SBF2: variants seen among roughly 807,000 people sequenced by gnomAD.
SBF2 encodes the protein SET binding factor 2.
SBF2 carries 112 observed loss-of-function variants against 225.2 expected under a neutral mutation model. The observed-to-expected ratio is 0.50, with a 90% confidence interval of 0.43 to 0.58. The LOEUF is 0.58. SBF2 is among the 20% of genes least tolerant of loss of function. The pLI, the probability that SBF2 is intolerant of heterozygous loss-of-function variation, is 0.00. For synonymous variants in SBF2, 763 were observed against 773.3 expected, an observed-to-expected ratio of 0.99 and a Z score of 0.22; for missense variants, 1,996 against 2,206.2, an observed-to-expected ratio of 0.90 and a Z score of 1.91.
chr11:10,019,748 T>G (rs555694169), intron 6 of SBF2, among the ~76,000 whole-genome samples: 1 of 152,078 alleles, frequency 6.6e-6, no homozygotes. Context: ...CTGAGAAAAC[T>G]AAGACAGAAA....
intron 2 of SBF2, among the ~76,000 whole-genome samples, chr11:10,046,882 A>C (rs1212175043): frequency 4.6e-4 from 69 of 150,642 alleles, no homozygotes; most frequent in African/African-American, 1.6e-3. Flanking sequence ...GAAAGGACAA[A>C]AAAAAAAAAA....
intron 8 of SBF2, among the ~76,000 whole-genome samples, chr11:9,999,186 A>G (rs895114134): frequency 2.0e-5 from 3 of 152,202 alleles, no homozygotes; most frequent in African/African-American, 7.2e-5. Flanking sequence ...TTACGATTTT[A>G]AGAAATTTGC....
At chr11:9,850,450 A>C (rs1173004271) in intron 21 of SBF2, among the ~76,000 whole-genome samples, 1 of 152,022 alleles carries the variant, frequency 6.6e-6, no homozygotes, top group African/African-American at 2.4e-5. Flanking sequence ...TACAGATGGG[A>C]TCTTGCTACA....
intron 33 of SBF2, among the ~76,000 whole-genome samples, chr11:9,793,072 C>T (rs1852865498): frequency 6.6e-6 from 1 of 151,750 alleles, no homozygotes; most frequent in Non-Finnish European, 1.5e-5. Context: ...GCCGTTGCAC[C>T]CAGCCTGTGT....
intron 2 of SBF2, among the ~76,000 whole-genome samples, chr11:10,178,070 C>G (rs1333602041): frequency 1.4e-5 from 2 of 146,842 alleles, no homozygotes; most frequent in African/African-American, 5.1e-5. Flanking sequence ...TTTGACAAAC[C>G]TGAGAAAAAC....
intron 2 of SBF2, among the ~76,000 whole-genome samples, chr11:10,108,670 G>A (rs1489405285): frequency 4.0e-5 from 6 of 151,412 alleles, no homozygotes; most frequent in African/African-American, 7.3e-5. Flanking sequence ...GACTACAGGC[G>A]CCCGCCACCA....
intron 22 of SBF2, among the ~76,000 whole-genome samples, chr11:9,847,503 G>A (rs903742505): frequency 2.5e-5 from 3 of 121,254 alleles, no homozygotes; most frequent in Non-Finnish European, 5.3e-5. Flanking sequence ...CAATTTTATA[G>A]GAAGGGAGGT....
At chr11:10,025,168 G>A (rs1329282901) in intron 6 of SBF2, among the ~76,000 whole-genome samples, 1 of 152,046 alleles carries the variant, frequency 6.6e-6, no homozygotes, top group Admixed American at 6.6e-5. Flanking sequence ...CAAATTGGAG[G>A]TCTAGAATGT....
At chr11:10,200,827 ATTATG>A (rs1247143257) in intron 1 of SBF2, among the ~76,000 whole-genome samples, 2 of 152,236 alleles carry the variant, frequency 1.3e-5, no homozygotes, top group Non-Finnish European at 2.9e-5. Flanking sequence ...ATGGAAATTA[ATTATG>A]TTATATTAAA....
At chr11:10,258,394 C>G (rs1233803094) in intron 1 of SBF2, among the ~76,000 whole-genome samples, 1 of 152,204 alleles carries the variant, frequency 6.6e-6, no homozygotes, top group Non-Finnish European at 1.5e-5. Context: ...CAGGCATAAG[C>G]CATTGTGCCC....
chr11:10,075,575 A>G (rs1435251990), intron 2 of SBF2, among the ~76,000 whole-genome samples: 1 of 152,152 alleles, frequency 6.6e-6, no homozygotes, highest in African/African-American at 2.4e-5. Flanking sequence ...TTCTCATGAA[A>G]TCTGGTAGTT....
intron 2 of SBF2, among the ~76,000 whole-genome samples, chr11:10,156,501 C>T (rs146318549): frequency 8.5e-5 from 13 of 152,322 alleles, no homozygotes; most frequent in Non-Finnish European, 1.3e-4. Context: ...GCCATCCAGT[C>T]CTGGGTGAAG....
At chr11:10,178,600 C>A (rs1399621768) in intron 2 of SBF2, among the ~76,000 whole-genome samples, 6 of 146,880 alleles carry the variant, frequency 4.1e-5, no homozygotes, top group Admixed American at 6.8e-5. Context: ...AAAATGCTCA[C>A]CATCACTGGC....
chr11:10,252,970 T>C (rs1173616092), intron 1 of SBF2, among the ~76,000 whole-genome samples: 2 of 152,270 alleles, frequency 1.3e-5, no homozygotes, highest in East Asian at 1.9e-4. Flanking sequence ...CTGGAGTCTC[T>C]GTGAATCTGC....
intron 9 of SBF2, 127 bp from the exon 10 acceptor site, chr11:9,994,125 C>A: frequency 1.3e-6 from 1 of 778,184 alleles, no homozygotes; most frequent in Non-Finnish European, 2.2e-6. Context: ...ATTCAATTAG[C>A]TGGGGTAGTT....
In SBF2 at chr11:9,842,555, C is replaced by G. The variant is rs2133961090; in HGVS notation, c.3256+70G>C. 6.0e-6 allele frequency: 9 copies of G among 1,499,072 alleles called. No homozygotes were observed. In the East Asian group the frequency reaches 2.0e-4, roughly 34 times the overall value. 92.9% of individuals were successfully genotyped at this position (1,499,072 alleles called of 1,614,324 possible). ...TTTGTGAATCAAGATGTAAGTGCAA[C>G]TACATCTGAGTCTCTTATTCATATA... On this transcript the variant is annotated intron_variant, in intron 25 of 39. Coordinates refer to ENST00000256190, the MANE Select transcript of SBF2 (RefSeq NM_030962.4).
At chr11:9,889,697 G>A (rs1860633779) in intron 17 of SBF2, among the ~76,000 whole-genome samples, 2 of 152,120 alleles carry the variant, frequency 1.3e-5, no homozygotes, top group African/African-American at 4.8e-5. Context: ...CAACATGGGT[G>A]AGCCTCAAAA....
intron 16 of SBF2, chr11:9,929,277 A>AAAC (rs1554958010): frequency 5.8e-6 from 1 of 173,214 alleles, no homozygotes; most frequent in African/African-American, 2.4e-5. Context: ...ACAAAAAACA[A>AAAC]AAAAAAAAAA....
chr11:9,859,998 G>C (rs1423638494), intron 17 of SBF2, among the ~76,000 whole-genome samples: 1 of 152,092 alleles, frequency 6.6e-6, no homozygotes, highest in East Asian at 1.9e-4. Flanking sequence ...GGGTGCACAG[G>C]GATCATTGTT....
Sources: gnomAD v4.1 joint callset for allele counts (sites outside exome capture counted in the v4.1 genomes callset) on GRCh38, gnomAD v4.1.1 for gene constraint, MANE v1.5 for transcripts, NCBI Gene and HGNC (gene_info 2026-07-23, HGNC 2026-07-21) for gene names.